PTCHD4: variants seen among roughly 807,000 people sequenced by gnomAD.
PTCHD4 encodes patched domain containing 4, also known as patched domain-containing protein 4.
A neutral mutation model predicts 58.1 loss-of-function variants in PTCHD4; 33 were observed. The ratio of observed to expected loss-of-function variants is 0.57; its 90% confidence interval spans 0.43 to 0.76. PTCHD4 has a LOEUF of 0.76. PTCHD4 is among the 30% of genes least tolerant of loss of function. The pLI, the probability that PTCHD4 is intolerant of heterozygous loss-of-function variation, is 0.00. For missense variants in PTCHD4, 1,058 were observed against 1,027.1 expected (o/e 1.03, Z -0.41); for synonymous variants, 478 against 409.6 (o/e 1.17, Z -2.02).
At chr6:48,077,322 TCTC>T (rs1051415112) in intron 1 of PTCHD4, among the ~76,000 whole-genome samples, 1 of 152,234 alleles carries the variant, frequency 6.6e-6, no homozygotes, top group Non-Finnish European at 1.5e-5. Flanking sequence ...GACATTGACT[TCTC>T]CTCTCTAGCT....
At chr6:48,041,725 T>G (rs1290568372) in intron 3 of PTCHD4, among the ~76,000 whole-genome samples, 1 of 151,976 alleles carries the variant, frequency 6.6e-6, no homozygotes, top group Non-Finnish European at 1.5e-5. Context: ...CATTTTTTTG[T>G]TTTATTTTTT....
chr6:47,957,252 T>C (rs554958763), intron 4 of PTCHD4, among the ~76,000 whole-genome samples: 108 of 147,974 alleles, frequency 7.3e-4, no homozygotes, highest in South Asian at 5.5e-3. Context: ...TTAAGGTTTA[T>C]ATATATATAA....
At position 48,009,079 on chromosome 6, in the gene PTCHD4, G is replaced by C. The variant is rs372960597; in HGVS notation, c.453C>G (p.Gly151=). 4 of 1,612,842 alleles carry C rather than the reference G, an allele frequency of 2.5e-6. No individual in the cohort carries two copies. The highest frequency in any genetic ancestry group is 1.7e-5 in the Admixed American group (1 of 59,864). Residue 151 remains glycine, a synonymous_variant, in exon 4 of 5, where the codon GGC becomes GGG. Coordinates refer to ENST00000339488, the MANE Select transcript of PTCHD4 (RefSeq NM_001384253.1). The part of the protein sequence containing the change: ...GRNSFIGHQL[G]GVVEVPNSKD... ...TGCTGTTTGGCACTTCCACTACCCC[G>C]CCCAGTTGGTGTCCAATAAAACTGT... is the stretch of plus-strand genomic sequence containing the variant.
At chr6:48,001,233 C>A (rs546334628) in intron 4 of PTCHD4, among the ~76,000 whole-genome samples, 33 of 152,340 alleles carry the variant, frequency 2.2e-4, no homozygotes, top group Non-Finnish European at 4.6e-4. Flanking sequence ...CAATGACTTT[C>A]TTCACAGAAT....
intron 4 of PTCHD4, among the ~76,000 whole-genome samples, chr6:47,946,650 C>T (rs1766429847): frequency 6.6e-6 from 1 of 152,076 alleles, no homozygotes; most frequent in Non-Finnish European, 1.5e-5. Flanking sequence ...TTTAACCAAC[C>T]AGTTCAGTGA....
chr6:47,856,899 T>C lies in PTCHD4; in HGVS notation c.*21404A>G, dbSNP rs1018662838. Among the ~76,000 whole-genome samples the C allele has an allele frequency of 8.5e-5, 13 of 152,072 alleles. No homozygotes were observed. The highest frequency in any genetic ancestry group is 3.1e-4 in the African/African-American group (13 of 41,432). The stretch of plus-strand genomic sequence containing the variant: ...CAACCTTTATATAAATCCATATATG[T>C]TTGTAATAGCTTTTCATAATGGGAA... On this transcript the variant is annotated 3_prime_UTR_variant, in exon 5 of 5. Coordinates refer to ENST00000339488, the MANE Select transcript of PTCHD4 (RefSeq NM_001384253.1).
chr6:48,077,481 A>T (rs559059393), intron 1 of PTCHD4, among the ~76,000 whole-genome samples: 3 of 152,144 alleles, frequency 2.0e-5, no homozygotes, highest in African/African-American at 7.2e-5. Context: ...TTCACTTTGC[A>T]TTTTTGTGGA....
intron 3 of PTCHD4, among the ~76,000 whole-genome samples, chr6:48,035,585 C>A (rs1441179529): frequency 6.6e-6 from 1 of 152,114 alleles, no homozygotes; most frequent in African/African-American, 2.4e-5. Flanking sequence ...CTTCTGAGAT[C>A]TTTTTTAACC....
intron 4 of PTCHD4, chr6:47,899,650 T>A (rs1196723647): frequency 4.3e-6 from 3 of 704,088 alleles, no homozygotes; most frequent in East Asian, 2.7e-4. Context: ...TGCCAAGCAA[T>A]TCATTGATTA....
At chr6:47,980,139 C>A (rs966787406) in intron 4 of PTCHD4, among the ~76,000 whole-genome samples, 4 of 151,912 alleles carry the variant, frequency 2.6e-5, no homozygotes, top group Non-Finnish European at 5.9e-5. Context: ...ACTTTAAAAT[C>A]AAACACACTT....
chr6:47,940,874 A>T (rs1312635866), intron 4 of PTCHD4, among the ~76,000 whole-genome samples: 1 of 152,208 alleles, frequency 6.6e-6, no homozygotes, highest in Non-Finnish European at 1.5e-5. Flanking sequence ...AATCAATATT[A>T]AAATGTGAAA....
At chr6:48,033,968 T>C (rs1434197744) in intron 3 of PTCHD4, among the ~76,000 whole-genome samples, 1 of 152,152 alleles carries the variant, frequency 6.6e-6, no homozygotes, top group Non-Finnish European at 1.5e-5. Context: ...TTAAATTGGA[T>C]GCTGTTTGCT....
chr6:48,008,825 A>G lies in PTCHD4; in HGVS notation c.707T>C (p.Val236Ala). Residue 236 changes from valine to alanine, a missense_variant, in exon 4 of 5, where the codon GTG becomes GCG. Coordinates refer to ENST00000339488, the MANE Select transcript of PTCHD4 (RefSeq NM_001384253.1). ...TSILARSKVL[V>A]SLVLILTTAT... ...TGTGGTCAGGATCAGCACGAGGCTC[A>G]CCAGGACCTTGCTTCTGGCCAGGAT... The G allele has an allele frequency of 1.2e-6, 2 of 1,613,942 alleles. No individual in the cohort carries two copies. Among genetic ancestry groups the G allele is most frequent in the South Asian group, 2.2e-5 (2 of 91,074 alleles).
rs1343901751 is a variant in PTCHD4 at position 48,008,963 on chromosome 6, T to C, written c.569A>G (p.Lys190Arg). The C allele has an allele frequency of 6.2e-7, 1 of 1,613,992 alleles. No homozygotes were observed. Among genetic ancestry groups the C allele is most frequent in the Non-Finnish European group, 8.5e-7 (1 of 1,179,876 alleles). The change falls in exon 4 of 5, where the codon AAG becomes AGG. Residue 190 changes from lysine to arginine, a missense_variant. Transcript: ENST00000339488. ...GSATQDLIGE[K>R]WENEFCKLIR... Reference sequence around the variant, plus strand: ...AAGCTTACAGAACTCATTCTCCCACTTCTCCCCTATGAGGTCTTGGGTGGC... The same window carrying C: ...AAGCTTACAGAACTCATTCTCCCACCTCTCCCCTATGAGGTCTTGGGTGGC...
At chr6:47,997,162 G>A (rs1451079399) in intron 4 of PTCHD4, among the ~76,000 whole-genome samples, 3 of 152,086 alleles carry the variant, frequency 2.0e-5, no homozygotes, top group Admixed American at 6.6e-5. Context: ...AAACCTACAT[G>A]TTAGGTGCCT....
intron 4 of PTCHD4, among the ~76,000 whole-genome samples, chr6:47,951,943 T>C (rs1262522100): frequency 6.6e-6 from 1 of 152,010 alleles, no homozygotes; most frequent in Non-Finnish European, 1.5e-5. Context: ...GAGTAGAAAA[T>C]ACACTGCACA....
intron 4 of PTCHD4, among the ~76,000 whole-genome samples, chr6:47,993,283 A>G (rs10948393): frequency 0.27 from 40,703 of 152,030 alleles, 5,578 homozygotes; most frequent in South Asian, 0.35. Context: ...CTCCGATTTT[A>G]CCAATGATGA....
intron 1 of PTCHD4, among the ~76,000 whole-genome samples, chr6:48,081,725 T>C (rs1289219683): frequency 6.6e-6 from 1 of 152,178 alleles, no homozygotes; most frequent in Non-Finnish European, 1.5e-5. Context: ...ATAGATATGT[T>C]TTGCTATTAT....
chr6:48,040,330 C>A (rs528757184), intron 3 of PTCHD4, among the ~76,000 whole-genome samples: 2 of 152,104 alleles, frequency 1.3e-5, no homozygotes, highest in South Asian at 4.2e-4. Flanking sequence ...GGATCCCTGG[C>A]AAGTGTTCAT....
Sources: allele counts gnomAD v4.1 joint callset (sites outside exome capture counted in the v4.1 genomes callset), GRCh38; gene constraint gnomAD v4.1.1; transcripts MANE v1.5; gene names NCBI Gene and HGNC (gene_info 2026-07-23, HGNC 2026-07-21).